ME2: variants seen among roughly 807,000 people sequenced by gnomAD.
ME2 encodes NAD-dependent malic enzyme, mitochondrial.
In ME2, 60 loss-of-function variants were observed where a neutral mutation model predicts 73.7. The ratio of observed to expected loss-of-function variants is 0.81; its 90% CI spans 0.66 to 1.01. The LOEUF (loss-of-function observed/expected upper bound fraction) is 1.01, where lower values mean the gene tolerates loss of function less well. Among genes scored for constraint, ME2 ranks in the 50% least tolerant of loss-of-function variants. The pLI, the probability that ME2 is intolerant of heterozygous loss-of-function variation, is 0.00. For synonymous variants in ME2, 199 were observed against 236.9 expected (o/e 0.84, Z 1.47); for missense variants, 594 against 705.5 (o/e 0.84, Z 1.79).
intron 1 of ME2, 131 bp from the exon 2 acceptor site, chr18:50,895,678 G>T (rs527831532): frequency 3.3e-6 from 2 of 614,744 alleles, no homozygotes; most frequent in African/African-American, 3.7e-5. Context: ...TTTCACCTTC[G>T]CCTCTTGTTA....
rs1918225133 is a variant in ME2, at chr18:50,951,525, CTT to C, written c.*4342_*4343del. On this transcript the variant is annotated 3_prime_UTR_variant, in exon 16 of 16. Coordinates refer to ENST00000321341, the MANE Select transcript of ME2 (RefSeq NM_002396.5). ...AGGTTATAATATTCTTTTCTCCTCT[CTT>C]CTTTGACGTGTTACGTTGTCTTTTT... 6.8e-6 allele frequency: 1 copy of C among 147,390 alleles called. No individual in the cohort carries two copies. Among genetic ancestry groups the C allele is most frequent in the Non-Finnish European group, 1.5e-5 (1 of 67,108 alleles). 9.1% of individuals were successfully genotyped at this position (147,390 alleles called of 1,614,324 possible).
At position 50,948,252 on chromosome 18, in the gene ME2, T is replaced by C. The variant is rs950224190; in HGVS notation, c.*1068T>C. On this transcript the variant is annotated 3_prime_UTR_variant, in exon 16 of 16. Coordinates refer to ENST00000321341, the MANE Select transcript of ME2 (RefSeq NM_002396.5). ...TAATTTAGAGCTAAATGGGGATGAA[T>C]AAGGTTGGTGTTCATCTGGGAAATG... 1 of 152,216 alleles carries C rather than the reference T, an allele frequency of 6.6e-6. No individual in the cohort carries two copies. The highest frequency in any genetic ancestry group is 2.4e-5 in the African/African-American group (1 of 41,452). 9.4% of individuals were successfully genotyped at this position (152,216 alleles called of 1,614,324 possible).
At chr18:50,946,110 TTAAATAAATAAA>T (rs10636386) in intron 15 of ME2, among the ~76,000 whole-genome samples, 4 of 148,936 alleles carry the variant, frequency 2.7e-5, no homozygotes, top group Non-Finnish European at 5.9e-5. Context: ...AGGCTCCATC[TTAAATAAATAAA>T]TAAATAAATA....
At chr18:50,937,408 G>A (rs934715008) in intron 13 of ME2, among the ~76,000 whole-genome samples, 1 of 152,220 alleles carries the variant, frequency 6.6e-6, no homozygotes, top group Non-Finnish European at 1.5e-5. Flanking sequence ...AGCATGTGCG[G>A]TGATGCTCAG....
At chr18:50,913,858 T>TACACACACACAC (rs1182992568) in intron 4 of ME2, among the ~76,000 whole-genome samples, 1 of 30,956 alleles carries the variant, frequency 3.2e-5, no homozygotes, top group African/African-American at 2.0e-4. Context: ...TCAGCAATAT[T>TACACACACACAC]ATACACACAC....
chr18:50,882,182 A>G (rs1368609847), intron 1 of ME2, among the ~76,000 whole-genome samples: 83 of 152,076 alleles, frequency 5.5e-4, no homozygotes, highest in Non-Finnish European at 5.1e-4. Flanking sequence ...AATTTTTTGT[A>G]GAGATGGGGT....
rs571650135 is a variant in ME2 at position 50,886,774 on chromosome 18, A to G, written c.-13+7466A>G. Among the ~76,000 whole-genome samples, 3 of 152,156 alleles carry G rather than the reference A, an allele frequency of 2.0e-5. No individual in the cohort carries two copies. The South Asian group carries it at 6.2e-4, about 32-fold the overall frequency. On this transcript the variant is annotated intron_variant, in intron 1 of 15. Transcript: ENST00000321341. ...TCAGCACTTTGGGAGGCCAAGACTGACAGATCAATTGAGGCCAGGAGTTTG... is the reference window on the plus strand; with the variant it reads ...TCAGCACTTTGGGAGGCCAAGACTGGCAGATCAATTGAGGCCAGGAGTTTG...
At chr18:50,929,320 C>G (rs747466632) in intron 12 of ME2, among the ~76,000 whole-genome samples, 25 of 151,648 alleles carry the variant, frequency 1.6e-4, no homozygotes, top group Non-Finnish European at 3.1e-4. Flanking sequence ...AACCCTGTCT[C>G]TACTAAAAAT....
At chr18:50,891,748 G>T (rs1010439490) in intron 1 of ME2, among the ~76,000 whole-genome samples, 6 of 151,958 alleles carry the variant, frequency 3.9e-5, no homozygotes, top group African/African-American at 1.5e-4. Context: ...ACAAATTTGT[G>T]GGGGGCATTG....
At chr18:50,903,821 G>C (rs898642800) in intron 2 of ME2, among the ~76,000 whole-genome samples, 2 of 152,086 alleles carry the variant, frequency 1.3e-5, no homozygotes, top group Non-Finnish European at 2.9e-5. Context: ...CCTTTTGCTA[G>C]AGTTGGAAAA....
At chr18:50,899,289 G>C (rs1302509833) in intron 2 of ME2, among the ~76,000 whole-genome samples, 2 of 152,128 alleles carry the variant, frequency 1.3e-5, no homozygotes, top group Non-Finnish European at 1.5e-5. Context: ...TATCATCAAT[G>C]ACTTCAATAA....
At chr18:50,920,961 G>A (rs1917412071) in intron 9 of ME2, 113 bp from the exon 10 acceptor site, 1 of 717,970 alleles carries the variant, frequency 1.4e-6, no homozygotes, top group Admixed American at 3.5e-5. Context: ...TGTTTGATTT[G>A]TAAGGGAAAA....
rs949614688 is a variant in ME2 at position 50,949,784 on chromosome 18, T to C, written c.*2600T>C. 13 of 152,204 alleles carry C rather than the reference T, an allele frequency of 8.5e-5. No homozygotes were observed. The highest frequency in any genetic ancestry group is 1.9e-4 in the Non-Finnish European group (13 of 68,028). The allele number at this position is 152,204 out of a possible 1,614,324, so 9.4% of individuals were successfully genotyped here. A position where few individuals can be genotyped will look rare whatever the true frequency, so the allele number is the denominator to read the frequency against. ...AGCCTGCTTAAATAAAATAATTCTA[T>C]TTTTTTAAAAAGCTCCCAATTGTCA... On this transcript the variant is annotated 3_prime_UTR_variant, in exon 16 of 16. Coordinates refer to ENST00000321341, the MANE Select transcript of ME2 (RefSeq NM_002396.5).
At position 50,947,653 on chromosome 18, in the gene ME2, G is replaced by T; in HGVS notation, c.*469G>T. 6.5e-6 allele frequency: 1 copy of T among 152,850 alleles called. No homozygotes were observed. The highest frequency in any genetic ancestry group is 1.5e-5 in the Non-Finnish European group (1 of 68,456). 9.5% of individuals were successfully genotyped at this position (152,850 alleles called of 1,614,324 possible). Reference sequence around the variant, plus strand: ...GGAAAAATTGTCATTATCTAAAAATGTTCTTATATATCTGCTTCATCTTAC... The same window carrying T: ...GGAAAAATTGTCATTATCTAAAAATTTTCTTATATATCTGCTTCATCTTAC... On this transcript the variant is annotated 3_prime_UTR_variant, in exon 16 of 16. Transcript: ENST00000321341.
At chr18:50,927,415 A>T (rs902302700) in intron 12 of ME2, among the ~76,000 whole-genome samples, 1 of 152,050 alleles carries the variant, frequency 6.6e-6, no homozygotes, top group East Asian at 1.9e-4. Context: ...AAATATAACC[A>T]CAGGGCCGGG....
At chr18:50,900,468 G>A (rs1916861269) in intron 2 of ME2, among the ~76,000 whole-genome samples, 1 of 151,476 alleles carries the variant, frequency 6.6e-6, no homozygotes, top group Admixed American at 6.6e-5. Flanking sequence ...CTAATTTTTT[G>A]TATTTTTAGT....
intron 1 of ME2, among the ~76,000 whole-genome samples, chr18:50,887,932 A>G (rs1239744193): frequency 1.3e-5 from 2 of 152,252 alleles, no homozygotes; most frequent in African/African-American, 2.4e-5. Flanking sequence ...ACTGGTGACC[A>G]TAAAACAGAA....
chr18:50,917,299 A>AG, intron 5 of ME2, 48 bp from the exon 6 acceptor site: 1 of 1,483,466 alleles, frequency 6.7e-7, no homozygotes, highest in Non-Finnish European at 9.3e-7. Context: ...GCTTTTCTTT[A>AG]GTGCCCCATT....
intron 2 of ME2, among the ~76,000 whole-genome samples, chr18:50,906,938 T>C (rs1568164287): frequency 6.6e-6 from 1 of 152,200 alleles, no homozygotes; most frequent in Non-Finnish European, 1.5e-5. Flanking sequence ...CGGTAATACC[T>C]CATGGCTTTT....
Sources: allele counts gnomAD v4.1 joint callset (sites outside exome capture counted in the v4.1 genomes callset), GRCh38; gene constraint gnomAD v4.1.1; transcripts MANE v1.5; gene names NCBI Gene and HGNC (gene_info 2026-07-23, HGNC 2026-07-21).